Variants in KAT2B observed in about 807,000 individuals in gnomAD.
KAT2B encodes lysine acetyltransferase 2B.
KAT2B carries 36 observed loss-of-function variants against 105.9 expected under a neutral mutation model. The ratio of observed to expected loss-of-function variants is 0.34; its 90% CI spans 0.26 to 0.45. The LOEUF is 0.45. KAT2B is among the 20% of genes least tolerant of loss of function. The pLI, the probability that KAT2B is intolerant of heterozygous loss-of-function variation, is 1.00. For missense variants in KAT2B, 820 were observed against 1,021.6 expected (o/e 0.80, Z 2.69); for synonymous variants, 397 against 377.9 (o/e 1.05, Z -0.59).
intron 6 of KAT2B, among the ~76,000 whole-genome samples, chr3:20,114,333 A>G (rs910761506): frequency 6.6e-6 from 1 of 152,226 alleles, no homozygotes; most frequent in Non-Finnish European, 1.5e-5. Context: ...TATGAATTTT[A>G]TCTCATAGGG....
At chr3:20,145,563 T>G in intron 13 of KAT2B, among the ~76,000 whole-genome samples, 1 of 147,072 alleles carries the variant, frequency 6.8e-6, no homozygotes. Flanking sequence ...AGTTTTTTTT[T>G]TTTTTTTTTT....
In KAT2B at chr3:20,115,007, G is replaced by T; in HGVS notation, c.1150+19G>T. ...CAAACAGGTAAGTTTCCTTTTACAT[G>T]AATCAGAGAACAACCAGGGAGGCCA... On this transcript the variant is annotated intron_variant, in intron 7 of 17. Coordinates refer to ENST00000263754, the MANE Select transcript of KAT2B (RefSeq NM_003884.5). 6.6e-7 allele frequency: 1 copy of T among 1,511,030 alleles called. No homozygotes were observed. Among genetic ancestry groups the T allele is most frequent in the South Asian group, 1.1e-5 (1 of 88,794 alleles). 93.6% of individuals were successfully genotyped at this position (1,511,030 alleles called of 1,614,324 possible). A position where few individuals can be genotyped will look rare whatever the true frequency, so the allele number is the denominator to read the frequency against.
chr3:20,098,108 A>G (rs1193648067), intron 3 of KAT2B, among the ~76,000 whole-genome samples: 1 of 151,806 alleles, frequency 6.6e-6, no homozygotes, highest in Non-Finnish European at 1.5e-5. Context: ...GTGTACCTGT[A>G]AATTCCAGCT....
At chr3:20,061,066 A>G (rs150763956) in intron 1 of KAT2B, among the ~76,000 whole-genome samples, 1 of 152,240 alleles carries the variant, frequency 6.6e-6, no homozygotes, top group Non-Finnish European at 1.5e-5. Context: ...TTGTGCAATC[A>G]TCACCACCAT....
intron 9 of KAT2B, among the ~76,000 whole-genome samples, chr3:20,124,382 G>A (rs1699362629): frequency 6.6e-6 from 1 of 152,158 alleles, no homozygotes; most frequent in African/African-American, 2.4e-5. Flanking sequence ...TCATGGTGCA[G>A]GGTGAAGTGG....
At position 20,154,006 on chromosome 3, in the gene KAT2B, T is replaced by A. The variant is rs2125204437; in HGVS notation, c.*1481T>A. 1 of 152,708 alleles carries A rather than the reference T, an allele frequency of 6.5e-6. No individual in the cohort carries two copies. The highest frequency in any genetic ancestry group is 1.9e-4 in the East Asian group (1 of 5,188). The allele number at this position is 152,708 out of a possible 1,614,324, so 9.5% of individuals were successfully genotyped here. A position where few individuals can be genotyped will look rare whatever the true frequency, so the allele number is the denominator to read the frequency against. On this transcript the variant is annotated 3_prime_UTR_variant, in exon 18 of 18. Coordinates refer to ENST00000263754, the MANE Select transcript of KAT2B (RefSeq NM_003884.5). ...TCACACTGAAAATGCCTCAACTTTTTAAAGTGTAAGAAACCACCATGAGTG... is the reference window on the plus strand; with the variant it reads ...TCACACTGAAAATGCCTCAACTTTTAAAAGTGTAAGAAACCACCATGAGTG...
intron 2 of KAT2B, among the ~76,000 whole-genome samples, chr3:20,078,613 A>G (rs1372331303): frequency 6.6e-6 from 1 of 151,812 alleles, no homozygotes; most frequent in African/African-American, 2.4e-5. Flanking sequence ...TCCTGAGGTC[A>G]AGCGATCTGC....
chr3:20,070,216 C>T (rs1251139590), intron 1 of KAT2B, among the ~76,000 whole-genome samples: 1 of 152,114 alleles, frequency 6.6e-6, no homozygotes, highest in African/African-American at 2.4e-5. Context: ...ATTCACATGG[C>T]CCACTGAAAA....
At chr3:20,100,016 C>A in intron 4 of KAT2B, 62 bp downstream of exon 4, 1 of 852,178 alleles carries the variant, frequency 1.2e-6, no homozygotes, top group Non-Finnish European at 2.0e-6. Flanking sequence ...TTTTAATCCT[C>A]CTTTTATATC....
At chr3:20,100,580 C>T (rs1355077274) in intron 4 of KAT2B, among the ~76,000 whole-genome samples, 1 of 152,140 alleles carries the variant, frequency 6.6e-6, no homozygotes, top group Non-Finnish European at 1.5e-5. Flanking sequence ...ATGAGAATGA[C>T]TACTGAAGTC....
chr3:20,082,279 C>T (rs1698533584), intron 2 of KAT2B, among the ~76,000 whole-genome samples: 1 of 152,122 alleles, frequency 6.6e-6, no homozygotes, highest in East Asian at 1.9e-4. Context: ...AAATGATCCG[C>T]CCTCCTCAGC....
chr3:20,067,004 A>C (rs1198198765), intron 1 of KAT2B, among the ~76,000 whole-genome samples: 2 of 152,194 alleles, frequency 1.3e-5, no homozygotes, highest in Admixed American at 6.6e-5. Context: ...CTTGGACAGC[A>C]CAGTTGGAGT....
chr3:20,106,067 C>T (rs747399255), intron 5 of KAT2B, among the ~76,000 whole-genome samples: 10 of 152,080 alleles, frequency 6.6e-5, no homozygotes, highest in Admixed American at 6.6e-5. Flanking sequence ...TGAACTAGGG[C>T]AGATCAGTTT....
rs146177661 is a variant in KAT2B at position 20,151,338 on chromosome 3, T to G, written c.2306-994T>G. On this transcript the variant is annotated intron_variant, in intron 17 of 17. Transcript: ENST00000263754. ...TTGGGGATATTGTACGTACATTTAC[T>G]TACCTTATTAAATGATGATCCCAAT... Among the ~76,000 whole-genome samples the G allele has an allele frequency of 4.2e-3, 634 of 152,336 alleles. 2 individuals carry two copies. The highest frequency in any genetic ancestry group is 0.014 in the African/African-American group (602 of 41,586).
At chr3:20,081,731 G>A (rs1198278374) in intron 2 of KAT2B, among the ~76,000 whole-genome samples, 1 of 151,786 alleles carries the variant, frequency 6.6e-6, no homozygotes, top group Middle Eastern at 3.2e-3. Flanking sequence ...AAATTCAGGT[G>A]GAGGAAAGAT....
chr3:20,126,840 A>C (rs1575149602), intron 10 of KAT2B, among the ~76,000 whole-genome samples: 2 of 150,116 alleles, frequency 1.3e-5, no homozygotes, highest in Admixed American at 6.6e-5. Context: ...AAAAAAAAAA[A>C]CCCACGAAAC....
chr3:20,144,828 C>G (rs1260501108), intron 13 of KAT2B, among the ~76,000 whole-genome samples: 1 of 151,616 alleles, frequency 6.6e-6, no homozygotes, highest in Non-Finnish European at 1.5e-5. Flanking sequence ...GGAAGTCTCG[C>G]TCTGTCACCC....
rs1330721323 is a variant in KAT2B, at chr3:20,111,639, C to A, written c.895C>A (p.Pro299Thr). 4 of 1,613,846 alleles carry A rather than the reference C, an allele frequency of 2.5e-6. No homozygotes were observed. The Admixed American group carries it at 5.0e-5, about 20-fold the overall frequency. The stretch of plus-strand genomic sequence containing the variant: ...CGTGCCACAGTTCTGCGACAGTCTA[C>A]CTCGGTACGAAACCACACAGGTGTT... The part of the protein sequence containing the change: ...CNVPQFCDSL[P>T]RYETTQVFGR... The change falls in exon 6 of 18, where the codon CCT becomes ACT. Residue 299 changes from proline to threonine, a missense_variant. By Grantham distance (38) the Pro-to-Thr change is conservative. Around this residue, in one of 6 missense-constraint regions of KAT2B, gnomAD observed 173 missense variants for 249.5 expected, o/e 0.69. Transcript: ENST00000263754.
At chr3:20,084,322 T>A (rs1286284735) in intron 2 of KAT2B, among the ~76,000 whole-genome samples, 1 of 152,126 alleles carries the variant, frequency 6.6e-6, no homozygotes, top group Non-Finnish European at 1.5e-5. Flanking sequence ...GCTTAACCTT[T>A]CTCATACAAT....
Sources: gnomAD v4.1 joint callset for allele counts (sites outside exome capture counted in the v4.1 genomes callset) on GRCh38, gnomAD v4.1.1 for gene constraint, gnomAD v4.1.1 regional missense constraint, MANE v1.5 for transcripts, NCBI Gene and HGNC (gene_info 2026-07-23, HGNC 2026-07-21) for gene names.